CNTN5: variants seen among roughly 807,000 people sequenced by gnomAD.
The protein encoded by CNTN5 is contactin-5.
CNTN5 carries 77 observed loss-of-function variants against 129.1 expected under a neutral mutation model. The ratio of observed to expected loss-of-function variants is 0.60; its 90% confidence interval spans 0.50 to 0.72. The LOEUF (loss-of-function observed/expected upper bound fraction) is 0.72, where lower values mean the gene tolerates loss of function less well. Ranked by LOEUF, CNTN5 falls within the 30% of genes least tolerant of loss-of-function variation. The pLI is 0.00. For synonymous variants in CNTN5, 509 were observed against 465.6 expected, an observed-to-expected ratio of 1.09 and a Z score of -1.20; for missense variants, 1,478 against 1,328.8, an observed-to-expected ratio of 1.11 and a Z score of -1.75.
intron 2 of CNTN5, among the ~76,000 whole-genome samples, chr11:99,327,963 T>C (rs1348636109): frequency 6.6e-6 from 1 of 152,198 alleles, no homozygotes; most frequent in Non-Finnish European, 1.5e-5. Context: ...TCTAGGTTTA[T>C]AGATTTTTAG....
intron 2 of CNTN5, among the ~76,000 whole-genome samples, chr11:99,383,483 T>A (rs1415175708): frequency 6.6e-6 from 1 of 152,190 alleles, no homozygotes; most frequent in Admixed American, 6.5e-5. Context: ...AGATTCTGAG[T>A]GATCCTCTAT....
At chr11:99,071,310 T>G (rs1286816811) in intron 1 of CNTN5, among the ~76,000 whole-genome samples, 1 of 152,166 alleles carries the variant, frequency 6.6e-6, no homozygotes, top group Non-Finnish European at 1.5e-5. Flanking sequence ...TAAAACACAC[T>G]AATGCTTCTT....
intron 7 of CNTN5, among the ~76,000 whole-genome samples, chr11:99,932,139 C>G (rs1462360376): frequency 4.9e-5 from 7 of 142,490 alleles, no homozygotes; most frequent in African/African-American, 1.8e-4. Context: ...ATTTCCAGTG[C>G]CAGAAATGCT....
At chr11:99,131,419 A>AATTC (rs1221413928) in intron 1 of CNTN5, among the ~76,000 whole-genome samples, 14 of 152,096 alleles carry the variant, frequency 9.2e-5, no homozygotes, top group African/African-American at 3.1e-4. Flanking sequence ...AGTGGAACTG[A>AATTC]AGGAGACAGA....
At chr11:100,260,329 G>T (rs1162031670) in intron 17 of CNTN5, among the ~76,000 whole-genome samples, 1 of 152,144 alleles carries the variant, frequency 6.6e-6, no homozygotes, top group Non-Finnish European at 1.5e-5. Context: ...AAGAAGCCCA[G>T]GACCAGACAG....
intron 3 of CNTN5, among the ~76,000 whole-genome samples, chr11:99,785,350 T>G (rs975724166): frequency 1.3e-5 from 2 of 152,166 alleles, no homozygotes; most frequent in Admixed American, 6.5e-5. Flanking sequence ...TTCTGTAGGT[T>G]GTCTGTTCAC....
intron 23 of CNTN5, among the ~76,000 whole-genome samples, chr11:100,342,224 T>G (rs891157372): frequency 2.6e-5 from 4 of 151,508 alleles, no homozygotes; most frequent in South Asian, 2.1e-4. Context: ...TTTGATCTTT[T>G]GCAGGGAGTG....
intron 24 of CNTN5, among the ~76,000 whole-genome samples, chr11:100,351,557 T>G (rs1591536332): frequency 6.7e-6 from 1 of 148,184 alleles, no homozygotes; most frequent in East Asian, 2.0e-4. Context: ...AAACCACATA[T>G]CTCCATCACC....
chr11:99,802,902 G>A (rs1170976163), intron 3 of CNTN5, among the ~76,000 whole-genome samples: 1 of 152,170 alleles, frequency 6.6e-6, no homozygotes, highest in Non-Finnish European at 1.5e-5. Flanking sequence ...CACAGGAAAG[G>A]TGGCATGGCT....
intron 8 of CNTN5, among the ~76,000 whole-genome samples, chr11:99,982,479 C>T (rs1481125060): frequency 6.6e-6 from 1 of 151,868 alleles, no homozygotes; most frequent in East Asian, 1.9e-4. Flanking sequence ...AGAATTATGT[C>T]TGTGGAAAGA....
chr11:99,549,156 A>G (rs1180690258), intron 2 of CNTN5, among the ~76,000 whole-genome samples: 7 of 151,370 alleles, frequency 4.6e-5, no homozygotes, highest in Non-Finnish European at 1.0e-4. Context: ...CTTTGCTGGT[A>G]TGATTCTGAC....
intron 6 of CNTN5, among the ~76,000 whole-genome samples, chr11:99,849,154 CATA>C (rs1232098423): frequency 6.6e-6 from 1 of 151,554 alleles, no homozygotes; most frequent in African/African-American, 2.4e-5. Context: ...CATATACTAA[CATA>C]ATATCAAATT....
At chr11:100,121,286 T>C (rs1946012963) in intron 13 of CNTN5, among the ~76,000 whole-genome samples, 1 of 152,110 alleles carries the variant, frequency 6.6e-6, no homozygotes, top group African/African-American at 2.4e-5. Context: ...GGACCAAGAC[T>C]ATTGGATCCA....
intron 3 of CNTN5, among the ~76,000 whole-genome samples, chr11:99,661,048 G>A (rs951915458): frequency 4.6e-5 from 7 of 152,050 alleles, no homozygotes; most frequent in African/African-American, 1.7e-4. Context: ...AGTCAGGATA[G>A]ATTGATGTTC....
chr11:99,304,171 A>T (rs540682686), intron 1 of CNTN5, among the ~76,000 whole-genome samples: 8 of 152,256 alleles, frequency 5.3e-5, no homozygotes, highest in African/African-American at 1.9e-4. Flanking sequence ...TTTGTCTTTG[A>T]AGTGCCCTAA....
intron 3 of CNTN5, among the ~76,000 whole-genome samples, chr11:99,630,241 TA>T (rs1807558481): frequency 1.6e-4 from 1 of 6,282 alleles, no homozygotes; most frequent in Non-Finnish European, 6.3e-3. Context: ...TGTGTGTGTG[TA>T]TATACATATA....
At chr11:100,127,651 C>CTTTTT (rs66468227) in intron 13 of CNTN5, among the ~76,000 whole-genome samples, 1,602 of 81,264 alleles carry the variant, frequency 0.02, 12 homozygotes, top group Non-Finnish European at 0.025. Context: ...TTCTTTCTTT[C>CTTTTT]TTTTTTTTTT....
At chr11:99,378,032 G>T (rs1231056299) in intron 2 of CNTN5, among the ~76,000 whole-genome samples, 1 of 152,082 alleles carries the variant, frequency 6.6e-6, no homozygotes, top group African/African-American at 2.4e-5. Context: ...TAATTTTAGG[G>T]TGTATAATCA....
intron 21 of CNTN5, among the ~76,000 whole-genome samples, chr11:100,318,242 G>GAAAAAA (rs66824133): frequency 5.2e-5 from 4 of 76,748 alleles, no homozygotes; most frequent in African/African-American, 1.6e-4. Flanking sequence ...CTCTGTCTCA[G>GAAAAAA]AAAAAAAAAA....
Sources: allele counts gnomAD v4.1 joint callset (sites outside exome capture counted in the v4.1 genomes callset), GRCh38; gene constraint gnomAD v4.1.1; transcripts MANE v1.5; gene names NCBI Gene and HGNC (gene_info 2026-07-23, HGNC 2026-07-21).